The following FSTL5 variants were observed in gnomAD, a reference collection of about 807,000 sequenced individuals.
FSTL5 encodes the protein follistatin like 5.
FSTL5 carries 62 observed loss-of-function variants against 89.1 expected under a neutral mutation model. The observed-to-expected ratio is 0.70, with a 90% CI of 0.57 to 0.86. The LOEUF (loss-of-function observed/expected upper bound fraction) is 0.86. FSTL5 is among the 40% of genes least tolerant of loss of function. The pLI, the probability that FSTL5 is intolerant of heterozygous loss-of-function variation, is 0.00. For missense variants in FSTL5, 1,057 were observed against 1,001.6 expected, an observed-to-expected ratio of 1.06 and a Z score of -0.75; for synonymous variants, 383 against 346.2, an observed-to-expected ratio of 1.11 and a Z score of -1.18.
At chr4:161,695,225 G>A (rs1454505110) in intron 6 of FSTL5, among the ~76,000 whole-genome samples, 2 of 151,642 alleles carry the variant, frequency 1.3e-5, no homozygotes, top group Non-Finnish European at 2.9e-5. Flanking sequence ...CCTTTCCCCC[G>A]AGTCCCCAAA....
At chr4:161,640,173 A>G (rs1237941977) in intron 7 of FSTL5, among the ~76,000 whole-genome samples, 1 of 152,212 alleles carries the variant, frequency 6.6e-6, no homozygotes, top group Admixed American at 6.5e-5. Flanking sequence ...CAATAAATAC[A>G]TTAAAAAGAA....
At chr4:161,754,119 T>C (rs1009015961) in intron 6 of FSTL5, among the ~76,000 whole-genome samples, 2 of 150,506 alleles carry the variant, frequency 1.3e-5, no homozygotes, top group African/African-American at 4.9e-5. Context: ...AATAATTAGG[T>C]GATTTAAATT....
chr4:162,020,850 T>C (rs1395602619), intron 3 of FSTL5, among the ~76,000 whole-genome samples: 1 of 152,122 alleles, frequency 6.6e-6, no homozygotes, highest in African/African-American at 2.4e-5. Flanking sequence ...TCAGCAAATA[T>C]CATGTACCTT....
chr4:161,631,162 CCT>C (rs1578980871), intron 7 of FSTL5, among the ~76,000 whole-genome samples: 1 of 152,176 alleles, frequency 6.6e-6, no homozygotes, highest in East Asian at 1.9e-4. Flanking sequence ...GATTCTATGC[CCT>C]GAGAATAATA....
At chr4:162,073,998 G>T (rs939287261) in intron 2 of FSTL5, among the ~76,000 whole-genome samples, 1 of 151,616 alleles carries the variant, frequency 6.6e-6, no homozygotes, top group African/African-American at 2.4e-5. Flanking sequence ...TCTCTCAGTT[G>T]TTCCACTGTT....
chr4:161,956,361 A>C (rs1735026311), intron 3 of FSTL5, among the ~76,000 whole-genome samples: 1 of 151,884 alleles, frequency 6.6e-6, no homozygotes, highest in Admixed American at 6.6e-5. Context: ...TGACACATAA[A>C]ATGGCTTTGC....
chr4:161,636,461 T>TC (rs1735709967), intron 7 of FSTL5, among the ~76,000 whole-genome samples: 2 of 22,130 alleles, frequency 9.0e-5, no homozygotes, highest in African/African-American at 2.1e-4. Flanking sequence ...TTTTTTTTTC[T>TC]TTTTTTTTTT....
At chr4:161,811,143 C>T (rs1730124713) in intron 4 of FSTL5, among the ~76,000 whole-genome samples, 1 of 152,006 alleles carries the variant, frequency 6.6e-6, no homozygotes, top group African/African-American at 2.4e-5. Context: ...TGTGGCATTA[C>T]ATTGGAGAAC....
At chr4:161,559,646 T>C (rs2126568663) in intron 8 of FSTL5, among the ~76,000 whole-genome samples, 1 of 152,038 alleles carries the variant, frequency 6.6e-6, no homozygotes, top group East Asian at 1.9e-4. Context: ...AAGCAAACTG[T>C]TAATGGTTTC....
At chr4:161,628,915 A>G (rs777623875) in intron 7 of FSTL5, among the ~76,000 whole-genome samples, 1 of 152,142 alleles carries the variant, frequency 6.6e-6, no homozygotes, top group African/African-American at 2.4e-5. Context: ...AGCATATTCA[A>G]CTCAATAGTA....
At chr4:161,737,946 T>C (rs1051081973) in intron 6 of FSTL5, among the ~76,000 whole-genome samples, 5 of 152,058 alleles carry the variant, frequency 3.3e-5, no homozygotes, top group African/African-American at 4.8e-5. Context: ...TTAAGACCAG[T>C]GATTTTCCGA....
chr4:161,982,714 T>C (rs1379094479), intron 3 of FSTL5, among the ~76,000 whole-genome samples: 1 of 152,218 alleles, frequency 6.6e-6, no homozygotes, highest in Admixed American at 6.5e-5. Context: ...ACAGCAATTA[T>C]GTCCTTTTGA....
intron 14 of FSTL5, among the ~76,000 whole-genome samples, chr4:161,458,190 A>C (rs530107841): frequency 6.6e-6 from 1 of 152,334 alleles, no homozygotes; most frequent in Admixed American, 6.5e-5. Context: ...CTCCCAGATC[A>C]CATCAGCAGA....
At chr4:161,467,131 T>C (rs1264827264) in intron 13 of FSTL5, among the ~76,000 whole-genome samples, 1 of 152,110 alleles carries the variant, frequency 6.6e-6, no homozygotes, top group Non-Finnish European at 1.5e-5. Flanking sequence ...ATTTTCTTTA[T>C]TGTTATTTTT....
chr4:162,078,229 A>G lies in FSTL5; in HGVS notation c.126+33042T>C, dbSNP rs188520128. Among the ~76,000 whole-genome samples the G allele has an allele frequency of 2.7e-4, 41 of 151,900 alleles. No individual in the cohort carries two copies. The East Asian group carries it at 7.6e-3, about 28-fold the overall frequency. On this transcript the variant is annotated intron_variant, in intron 2 of 15. Transcript: ENST00000306100. ...TTTCTGAAGGTCTCTCCTTTATGGG[A>G]TTATCAAGTGCCGCATGTACTGCTA...
chr4:161,554,024 A>G (rs1216991327), intron 8 of FSTL5, among the ~76,000 whole-genome samples: 1 of 151,576 alleles, frequency 6.6e-6, no homozygotes, highest in Non-Finnish European at 1.5e-5. Flanking sequence ...AAGAATACAT[A>G]AGACTAGTAC....
intron 6 of FSTL5, among the ~76,000 whole-genome samples, chr4:161,721,803 C>T (rs1320196566): frequency 1.3e-5 from 2 of 152,180 alleles, no homozygotes; most frequent in African/African-American, 4.8e-5. Context: ...AACTACTTTA[C>T]TTAATAGAAA....
chr4:162,099,328 T>A (rs1730892550), intron 2 of FSTL5, among the ~76,000 whole-genome samples: 1 of 152,150 alleles, frequency 6.6e-6, no homozygotes, highest in African/African-American at 2.4e-5. Flanking sequence ...TCAAGCAGAA[T>A]CCAATTTGAA....
intron 3 of FSTL5, among the ~76,000 whole-genome samples, chr4:161,958,255 A>C (rs1735077852): frequency 6.6e-6 from 1 of 152,206 alleles, no homozygotes; most frequent in East Asian, 1.9e-4. Flanking sequence ...ATGTAAAATA[A>C]GTTATAATAT....
Sources: allele counts gnomAD v4.1 joint callset (sites outside exome capture counted in the v4.1 genomes callset), GRCh38; gene constraint gnomAD v4.1.1; transcripts MANE v1.5; gene names NCBI Gene and HGNC (gene_info 2026-07-23, HGNC 2026-07-21).